The following RERE variants were observed in gnomAD, a reference collection of about 807,000 sequenced individuals.
RERE encodes the protein arginine-glutamic acid dipeptide repeats protein.
Under a neutral mutation model 146.1 loss-of-function variants are expected in RERE, and 40 were observed. That is an observed-to-expected ratio of 0.27 (90% CI 0.21 to 0.36). RERE has a LOEUF of 0.36. RERE is among the 10% of genes least tolerant of loss of function. The probability of loss-of-function intolerance (pLI) is 1.00; values close to 1 mark genes in which losing one functional copy is unlikely to be tolerated. For missense variants in RERE, 1,933 were observed against 2,138.7 expected (o/e 0.90, Z 1.90); for synonymous variants, 1,003 against 866.0 (o/e 1.16, Z -2.78).
At chr1:8,450,442 G>GCTTC (rs1190912793) in intron 11 of RERE, among the ~76,000 whole-genome samples, 2 of 150,642 alleles carry the variant, frequency 1.3e-5, no homozygotes, top group African/African-American at 4.9e-5. Context: ...CATAGCACAC[G>GCTTC]CTTCCTTCCT....
chr1:8,729,619 A>G (rs1640043239), intron 1 of RERE, among the ~76,000 whole-genome samples: 1 of 152,196 alleles, frequency 6.6e-6, no homozygotes, highest in Non-Finnish European at 1.5e-5. Flanking sequence ...TGAAAAGACT[A>G]AATATTTACT....
chr1:8,520,748 A>G (rs1645482586), intron 7 of RERE, among the ~76,000 whole-genome samples: 1 of 57,164 alleles, frequency 1.7e-5, no homozygotes, highest in African/African-American at 6.2e-5. Context: ...CAGCCAAAAA[A>G]CTTTTTAAAA....
chr1:8,580,885 G>A (rs1196202784), intron 4 of RERE, among the ~76,000 whole-genome samples: 1 of 152,020 alleles, frequency 6.6e-6, no homozygotes, highest in African/African-American at 2.4e-5. Context: ...GTAGAGAAGA[G>A]GTGTCATTTC....
At chr1:8,502,884 AG>A (rs1470782493) in intron 8 of RERE, among the ~76,000 whole-genome samples, 3 of 150,664 alleles carry the variant, frequency 2.0e-5, no homozygotes, top group African/African-American at 7.4e-5. Context: ...AGATGCTTGA[AG>A]GCAGCGTGCT....
intron 1 of RERE, among the ~76,000 whole-genome samples, chr1:8,779,141 C>T (rs1475027994): frequency 6.6e-6 from 1 of 151,904 alleles, no homozygotes; most frequent in Non-Finnish European, 1.5e-5. Context: ...GCCACCACGC[C>T]CACTCCAGTT....
intron 4 of RERE, among the ~76,000 whole-genome samples, chr1:8,599,183 T>C (rs563899010): frequency 6.6e-6 from 1 of 152,330 alleles, no homozygotes; most frequent in South Asian, 2.1e-4. Flanking sequence ...AGTGACCATT[T>C]CTTTTGGTCA....
chr1:8,626,660 C>T (rs1239694460), intron 2 of RERE, among the ~76,000 whole-genome samples: 1 of 152,160 alleles, frequency 6.6e-6, no homozygotes, highest in Non-Finnish European at 1.5e-5. Flanking sequence ...AGCCCCAAAA[C>T]ATTCCAACCC....
rs1186832596 is a variant in RERE at position 8,805,008 on chromosome 1, G to GTTTTTTTT, written c.-145+12144_-145+12151dup. Among the ~76,000 whole-genome samples the GTTTTTTTT allele has an allele frequency of 6.6e-4, 51 of 77,854 alleles. 1 individual carries two copies. The highest frequency in any genetic ancestry group is 7.4e-4 in the Non-Finnish European group (31 of 41,762). The allele number at this position is 77,854 out of a possible 152,430, so 51.1% of individuals were successfully genotyped here. On this transcript the variant is annotated intron_variant, in intron 1 of 22. Coordinates refer to ENST00000400908, the MANE Select transcript of RERE (RefSeq NM_001042681.2). Reference sequence around the variant, plus strand: ...TTTTTTTTGTTTTGTTTTGTTTTTGGTTTTTTTTTTTTTTTTTTTTGAGAC... The same window carrying GTTTTTTTT: ...TTTTTTTTGTTTTGTTTTGTTTTTGGTTTTTTTTTTTTTTTTTTTTTTTTTTTTGAGAC...
In RERE at chr1:8,422,804, G is replaced by T; in HGVS notation, c.1207C>A (p.Arg403Ser). 6.2e-7 allele frequency: 1 copy of T among 1,612,640 alleles called. No homozygotes were observed. Among genetic ancestry groups the T allele is most frequent in the Non-Finnish European group, 8.5e-7 (1 of 1,178,840 alleles). ...TACTGCCTGAGTCCCTTAACGAAGC[G>T]TTTCTGTGATAAAAAGAAACAAATG... The part of the protein sequence containing the change: ...EKCWTEDEVK[R>S]FVKGLRQYGK... The change falls in exon 12 of 23, where the codon CGC becomes AGC. Residue 403 changes from arginine (R) to serine (S), a missense_variant. This residue lies in a region of RERE where 260 missense variants were observed against 378.4 expected (regional missense o/e 0.69). Transcript: ENST00000400908.
At position 8,364,747 on chromosome 1, in the gene RERE, G is replaced by A. The variant is rs1641732232; in HGVS notation, c.1539C>T (p.Thr513=). 5.0e-6 allele frequency: 8 copies of A among 1,612,094 alleles called. No homozygotes were observed. Among genetic ancestry groups the A allele is most frequent in the East Asian group, 2.2e-5 (1 of 44,872 alleles). ...KGYACRHCFT[T]TSKDWHHGGR... ...CAGGAGCGTGACGAGGCCACTTACT[G>A]GTGGTGAAGCAGTGGCGGCAGGCGT... Residue 513 remains threonine, a splice_region_variant and synonymous_variant, in exon 14 of 23, where the codon ACC becomes ACT. Coordinates refer to ENST00000400908, the MANE Select transcript of RERE (RefSeq NM_001042681.2). The surrounding 1 kb of genome is among the most constrained non-coding windows in gnomAD (Gnocchi z 5.1).
At chr1:8,639,609 C>A (rs1388818218) in intron 2 of RERE, among the ~76,000 whole-genome samples, 2 of 152,210 alleles carry the variant, frequency 1.3e-5, no homozygotes, top group African/African-American at 4.8e-5. Context: ...TGAGTGCTAA[C>A]AGAGTAATTA....
intron 7 of RERE, among the ~76,000 whole-genome samples, chr1:8,510,139 T>C (rs1645314716): frequency 6.6e-6 from 1 of 151,972 alleles, no homozygotes; most frequent in Admixed American, 6.6e-5. Flanking sequence ...GGCCCAGTCA[T>C]CAAGAATCTT....
intron 3 of RERE, among the ~76,000 whole-genome samples, chr1:8,620,058 G>T (rs1473472125): frequency 1.3e-5 from 2 of 152,196 alleles, no homozygotes; most frequent in African/African-American, 4.8e-5. Context: ...TTTGCACTCT[G>T]TGATATAATG....
In RERE at chr1:8,421,887, C is replaced by T. The variant is rs1406156458; in HGVS notation, c.1284+840G>A. On this transcript the variant is annotated intron_variant, in intron 12 of 22. Transcript: ENST00000400908. ...GTTTCTGGTTAATGAGTCCTCCCTT[C>T]GCCTTCAGACAGTGGAGTGGCTGCT... 4.6e-5 allele frequency among the ~76,000 whole-genome samples: 7 copies of T among 152,202 alleles called. No individual in the cohort carries two copies. In the East Asian group the frequency reaches 5.8e-4, roughly 13 times the overall value.
chr1:8,730,206 T>C (rs955522123), intron 1 of RERE, among the ~76,000 whole-genome samples: 6 of 152,212 alleles, frequency 3.9e-5, no homozygotes, highest in Admixed American at 3.9e-4. Flanking sequence ...ATGAATCCCT[T>C]TGAAGGTCAC....
intron 10 of RERE, among the ~76,000 whole-genome samples, chr1:8,471,340 G>A (rs1644682441): frequency 6.6e-6 from 1 of 151,916 alleles, no homozygotes; most frequent in African/African-American, 2.4e-5. Context: ...GAGACAGGGT[G>A]TTGGCTCTGT....
chr1:8,450,297 C>T (rs182997534), intron 11 of RERE, among the ~76,000 whole-genome samples: 23 of 152,074 alleles, frequency 1.5e-4, no homozygotes, highest in African/African-American at 5.3e-4. Context: ...CACTTCGGCT[C>T]CATTTACCAG....
rs1644593329 is a variant in RERE, at chr1:8,466,104, G to A, written c.1105-81C>T. The A allele has an allele frequency of 1.1e-5, 12 of 1,139,674 alleles. No homozygotes were observed. In the South Asian group the frequency reaches 1.6e-4, roughly 16 times the overall value. 70.6% of individuals were successfully genotyped at this position (1,139,674 alleles called of 1,614,324 possible). A position where few individuals can be genotyped will look rare whatever the true frequency, so the allele number is the denominator to read the frequency against. On this transcript the variant is annotated intron_variant, in intron 10 of 22. Transcript: ENST00000400908. ...ATCGATCCAAGGCAAGCTCCTCATT[G>A]ACTATCTCCCACAGAAGAGTCAGGA...
At chr1:8,481,688 A>G (rs1426947989) in intron 10 of RERE, among the ~76,000 whole-genome samples, 1 of 152,264 alleles carries the variant, frequency 6.6e-6, no homozygotes, top group East Asian at 1.9e-4. Context: ...ACCTTAAAAA[A>G]TAAAATTAAT....
Sources: allele counts gnomAD v4.1 joint callset (sites outside exome capture counted in the v4.1 genomes callset), GRCh38; gene constraint gnomAD v4.1.1; regional missense constraint gnomAD v4.1.1; non-coding constraint Gnocchi (gnomAD v3.1); transcripts MANE v1.5; gene names NCBI Gene and HGNC (gene_info 2026-07-23, HGNC 2026-07-21).